The following STAM2 variants were observed in gnomAD, a reference collection of about 807,000 sequenced individuals.
STAM2 encodes signal transducing adapter molecule 2.
A neutral mutation model predicts 65.6 loss-of-function variants in STAM2; 51 were observed. The observed-to-expected ratio is 0.78, with a 90% CI of 0.62 to 0.98. The LOEUF (loss-of-function observed/expected upper bound fraction) is 0.98. Ranked by LOEUF, STAM2 falls within the 50% of genes least tolerant of loss-of-function variation. The pLI is 0.00. For missense variants in STAM2, 584 were observed against 617.8 expected (o/e 0.95, Z 0.58); for synonymous variants, 198 against 208.4 (o/e 0.95, Z 0.43).
intron 11 of STAM2, among the ~76,000 whole-genome samples, chr2:152,130,012 C>G (rs1399341695): frequency 6.6e-6 from 1 of 152,148 alleles, no homozygotes; most frequent in Non-Finnish European, 1.5e-5. Context: ...AGTTTATATT[C>G]TCCTTCTTAT....
Position 152,126,343 on chromosome 2 carries a change from G to T in STAM2, c.1062C>A (p.Val354=). ...TGTTATATAGTTCCAGAGCTTCCAG[G>T]ACTTTAACATTCAATTCAGACAATT... is the stretch of plus-strand genomic sequence containing the variant. ...HSELSELNVK[V]LEALELYNKL... Residue 354 remains valine, a synonymous_variant, in exon 12 of 14, where the codon GTC becomes GTA. Transcript: ENST00000263904. 1.3e-6 allele frequency: 2 copies of T among 1,588,118 alleles called. No individual in the cohort carries two copies. Among genetic ancestry groups the T allele is most frequent in the Non-Finnish European group, 1.7e-6 (2 of 1,168,176 alleles).
chr2:152,132,015 T>C (rs1209721441), intron 11 of STAM2, 99 bp downstream of exon 11: 2 of 755,628 alleles, frequency 2.6e-6, no homozygotes, highest in Non-Finnish European at 4.3e-6. Flanking sequence ...TTTCCATGAA[T>C]TGTACAGTTC....
chr2:152,159,257 G>A lies in STAM2; in HGVS notation c.41-9028C>T, dbSNP rs563220482. Among the ~76,000 whole-genome samples, 14 of 151,060 alleles carry A rather than the reference G, an allele frequency of 9.3e-5. No individual in the cohort carries two copies. The South Asian group carries it at 1.9e-3, about 20-fold the overall frequency. ...GGAGTTTAAAGCTGCAGTAAGCTAT[G>A]ATCAAGCCACTACACTCCACCCACA... is the stretch of plus-strand genomic sequence containing the variant. On this transcript the variant is annotated intron_variant, in intron 1 of 13. Coordinates refer to ENST00000263904, the MANE Select transcript of STAM2 (RefSeq NM_005843.6).
chr2:152,144,990 T>A, intron 5 of STAM2, 33 bp from the exon 6 acceptor site: 1 of 1,528,364 alleles, frequency 6.5e-7, no homozygotes, highest in Non-Finnish European at 9.1e-7. Flanking sequence ...AACACAACTA[T>A]CTTTTCAAAC....
At chr2:152,123,199 G>A (rs13015485) in intron 13 of STAM2, among the ~76,000 whole-genome samples, 21,936 of 151,688 alleles carry the variant, frequency 0.14, 2,415 homozygotes, top group East Asian at 0.58. Flanking sequence ...CTGAAACCCC[G>A]TCTCTACTAA....
intron 1 of STAM2, among the ~76,000 whole-genome samples, chr2:152,159,654 C>T (rs1689622076): frequency 6.6e-6 from 1 of 152,136 alleles, no homozygotes; most frequent in Admixed American, 6.5e-5. Context: ...ATATTTTTCC[C>T]ATTGGAAAAG....
intron 8 of STAM2, among the ~76,000 whole-genome samples, 163 bp from the exon 9 acceptor site, chr2:152,133,647 T>C (rs549321492): frequency 6.4e-4 from 98 of 152,328 alleles, no homozygotes; most frequent in Admixed American, 1.2e-3. Context: ...TACATACGTT[T>C]GGTCATTTAT....
Position 152,148,120 on chromosome 2 carries a change from A to C in STAM2, c.204T>G (p.Leu68=). ...VPHVALQALT[L]LGACVANCGK... is the part of the protein sequence containing the mutation. ...CACAGTTTGCCACACAAGCCCCAAG[A>C]AGCTATTAATTGAAATAAAAATATA... is the stretch of plus-strand genomic sequence containing the variant. The change falls in exon 4 of 14, where the codon CTT becomes CTG. Residue 68 remains leucine (L), a splice_region_variant and synonymous_variant. Transcript: ENST00000263904. The C allele has an allele frequency of 6.2e-7, 1 of 1,604,676 alleles. No individual in the cohort carries two copies. The highest frequency in any genetic ancestry group is 2.2e-5 in the East Asian group (1 of 44,688).
Position 152,132,127 on chromosome 2 carries a change from C to T in STAM2, c.1012G>A (p.Glu338Lys). Residue 338 changes from glutamate to lysine, a missense_variant, in exon 11 of 14, where the codon GAA becomes AAA. Transcript: ENST00000263904. ...QMGPMIDEKL[E>K]EIDRKHSELS... ...GAAAAATCTCACCTATCAATTTCTT[C>T]AAGTTTTTCATCTATCATTGGACCC... is the stretch of plus-strand genomic sequence containing the variant. The T allele has an allele frequency of 6.2e-7, 1 of 1,611,750 alleles. No individual in the cohort carries two copies. Among genetic ancestry groups the T allele is most frequent in the Non-Finnish European group, 8.5e-7 (1 of 1,178,534 alleles).
intron 1 of STAM2, among the ~76,000 whole-genome samples, chr2:152,165,158 G>T (rs1296326758): frequency 6.6e-6 from 1 of 152,098 alleles, no homozygotes; most frequent in Non-Finnish European, 1.5e-5. Context: ...GGGCGCGGTG[G>T]CTCATGCCTG....
chr2:152,149,981 A>T (rs867737319), intron 2 of STAM2, among the ~76,000 whole-genome samples, 164 bp downstream of exon 2: 1 of 152,234 alleles, frequency 6.6e-6, no homozygotes, highest in Non-Finnish European at 1.5e-5. Flanking sequence ...GAGGTAGCAG[A>T]GGTGGAAGAA....
At chr2:152,168,609 AT>A (rs1179694304) in intron 1 of STAM2, among the ~76,000 whole-genome samples, 1 of 152,244 alleles carries the variant, frequency 6.6e-6, no homozygotes, top group Non-Finnish European at 1.5e-5. Flanking sequence ...CAAATTATAC[AT>A]AAGCTTATCA....
chr2:152,124,044 A>G, intron 12 of STAM2, 109 bp from the exon 13 acceptor site: 1 of 917,876 alleles, frequency 1.1e-6, no homozygotes, highest in East Asian at 2.7e-5. Flanking sequence ...TTCTTTGGGA[A>G]GCAATCTGAT....
rs1348995835 is a variant in STAM2 at position 152,123,940 on chromosome 2, T to A, written c.1180-5A>T. The A allele has an allele frequency of 6.2e-7, 1 of 1,610,286 alleles. No homozygotes were observed. Among genetic ancestry groups the A allele is most frequent in the Non-Finnish European group, 8.5e-7 (1 of 1,178,826 alleles). ...ATGTGATTGAACTGGATATGTCTAT[T>A]AATCAGAAAGAAAAAGTTGATTCAC... On this transcript the variant is annotated splice_polypyrimidine_tract_variant and splice_region_variant and intron_variant, in intron 12 of 13. Transcript: ENST00000263904.
At chr2:152,122,813 C>A (rs1263026160) in intron 13 of STAM2, among the ~76,000 whole-genome samples, 1 of 152,068 alleles carries the variant, frequency 6.6e-6, no homozygotes, top group Non-Finnish European at 1.5e-5. Flanking sequence ...TGCCTGTAAT[C>A]CTAGCACTTT....
At chr2:152,158,972 C>T (rs906304232) in intron 1 of STAM2, among the ~76,000 whole-genome samples, 1 of 151,058 alleles carries the variant, frequency 6.6e-6, no homozygotes, top group Non-Finnish European at 1.5e-5. Context: ...TACATTCTGA[C>T]CATAGCAATC....
At chr2:152,160,870 A>G (rs1317418867) in intron 1 of STAM2, among the ~76,000 whole-genome samples, 2 of 129,568 alleles carry the variant, frequency 1.5e-5, no homozygotes, top group African/African-American at 3.0e-5. Flanking sequence ...TCCGGGAGGG[A>G]GGTGGGGGGG....
chr2:152,132,693 C>T (rs746272239), intron 10 of STAM2, among the ~76,000 whole-genome samples: 4 of 152,064 alleles, frequency 2.6e-5, no homozygotes, highest in African/African-American at 4.8e-5. Flanking sequence ...AGATTCTTAT[C>T]CCAAAAGATT....
rs1689139079 is a variant in STAM2 at position 152,135,598 on chromosome 2, GCATC to G, written c.706_709del (p.Asp236ProfsTer12). The stretch of plus-strand genomic sequence containing the variant: ...GTGATTTTCTCCTTTCCACCAATTG[GCATC>G]ACTAAAAATACAGTGCAAAAAATAT... On this transcript the variant is annotated frameshift_variant and splice_region_variant, in exon 8 of 14. Transcript: ENST00000263904. LOFTEE classifies it high-confidence loss of function. The G allele has an allele frequency of 6.2e-7, 1 of 1,606,806 alleles. No homozygotes were observed. Among genetic ancestry groups the G allele is most frequent in the Non-Finnish European group, 8.5e-7 (1 of 1,175,830 alleles).
Sources: allele counts gnomAD v4.1 joint callset (sites outside exome capture counted in the v4.1 genomes callset), GRCh38; gene constraint gnomAD v4.1.1; transcripts MANE v1.5; gene names NCBI Gene and HGNC (gene_info 2026-07-23, HGNC 2026-07-21).